MACROH2A1: variants seen among roughly 807,000 people sequenced by gnomAD.
The protein encoded by MACROH2A1 is macroH2A.1 histone, also known as core histone macro-H2A.1.
In MACROH2A1, 2 loss-of-function variants were observed where a neutral mutation model predicts 31.6. The ratio of observed to expected loss-of-function variants is 0.06; its 90% CI spans 0.03 to 0.20. The LOEUF is 0.20. Ranked by LOEUF, MACROH2A1 falls within the 10% of genes least tolerant of loss-of-function variation. The pLI is 1.00. For synonymous variants in MACROH2A1, 169 were observed against 189.6 expected (o/e 0.89, Z 0.89); for missense variants, 230 against 474.0 (o/e 0.49, Z 4.78).
chr5:135,381,713 A>C (rs1210395357), intron 2 of MACROH2A1, among the ~76,000 whole-genome samples: 1 of 152,262 alleles, frequency 6.6e-6, no homozygotes, highest in African/African-American at 2.4e-5. Flanking sequence ...TCTGTTTAAT[A>C]CAGCAGATTA....
chr5:135,341,445 C>T (rs1358969385), intron 8 of MACROH2A1, among the ~76,000 whole-genome samples: 7 of 152,104 alleles, frequency 4.6e-5, no homozygotes, highest in South Asian at 2.1e-4. Context: ...GTGGGGGTGG[C>T]GGCGGGTGGC....
At chr5:135,353,155 A>G (rs891235263) in intron 5 of MACROH2A1, 110 bp from the exon 6 acceptor site, 1 of 718,002 alleles carries the variant, frequency 1.4e-6, no homozygotes, top group East Asian at 2.6e-5. Flanking sequence ...CACGAGGCAC[A>G]AAAGGGAAGC....
chr5:135,387,929 A>G (rs1253040848), intron 2 of MACROH2A1, among the ~76,000 whole-genome samples: 2 of 152,134 alleles, frequency 1.3e-5, no homozygotes, highest in African/African-American at 2.4e-5. Context: ...GAGACATGGC[A>G]AAAGGATATC....
rs1044385870 is a variant in MACROH2A1 at position 135,398,590 on chromosome 5, T to C, written c.-34+472A>G. ...CCCCCCGGGGCTCGGGCCCGACTTA[T>C]TGTGCCGGGGCCGGCAACTCGCGGG... On this transcript the variant is annotated intron_variant, in intron 1 of 8. Coordinates refer to ENST00000511689, the MANE Select transcript of MACROH2A1 (RefSeq NM_138610.3). The surrounding 1 kb of genome is among the most constrained non-coding windows in gnomAD (Gnocchi z 4.6). Among the ~76,000 whole-genome samples, 90 of 152,278 alleles carry C rather than the reference T, an allele frequency of 5.9e-4. No homozygotes were observed. The highest frequency in any genetic ancestry group is 2.0e-3 in the African/African-American group (85 of 41,584).
At chr5:135,366,558 T>G (rs1252411067) in intron 4 of MACROH2A1, among the ~76,000 whole-genome samples, 3 of 150,046 alleles carry the variant, frequency 2.0e-5, no homozygotes, top group Non-Finnish European at 4.4e-5. Context: ...ACTGCTAAAA[T>G]AGGGGGCTCA....
chr5:135,349,942 A>G (rs1324048602), intron 6 of MACROH2A1, among the ~76,000 whole-genome samples: 1 of 152,148 alleles, frequency 6.6e-6, no homozygotes, highest in Non-Finnish European at 1.5e-5. Flanking sequence ...AGGCCCTATG[A>G]TCAGTAAATG....
chr5:135,338,239 G>A (rs1266778133), intron 8 of MACROH2A1, among the ~76,000 whole-genome samples: 1 of 152,322 alleles, frequency 6.6e-6, no homozygotes, highest in East Asian at 1.9e-4. Context: ...CTCCCTCCAG[G>A]GTAGAGAAGC....
intron 8 of MACROH2A1, 96 bp downstream of exon 8, chr5:135,343,164 G>A (rs769419708): frequency 1.1e-5 from 18 of 1,597,018 alleles, no homozygotes; most frequent in Admixed American, 8.3e-5. Context: ...GGCAGCCTCC[G>A]TGGGCCTTGC....
chr5:135,384,557 G>A (rs540430194), intron 2 of MACROH2A1, among the ~76,000 whole-genome samples: 5 of 152,200 alleles, frequency 3.3e-5, no homozygotes, highest in Admixed American at 1.3e-4. Flanking sequence ...AGTACCAACA[G>A]GCAGCTTCAA....
intron 1 of MACROH2A1, among the ~76,000 whole-genome samples, chr5:135,397,185 G>A (rs1175886855): frequency 1.3e-5 from 2 of 151,962 alleles, no homozygotes; most frequent in Non-Finnish European, 2.9e-5. Flanking sequence ...GGTGACTTGG[G>A]GCCGCATTAG....
intron 1 of MACROH2A1, among the ~76,000 whole-genome samples, chr5:135,394,106 A>G (rs917301364): frequency 6.6e-6 from 1 of 152,180 alleles, no homozygotes; most frequent in African/African-American, 2.4e-5. Context: ...GAGGGGCAGT[A>G]GGGGCAAAGA....
chr5:135,369,665 G>T lies in MACROH2A1; in HGVS notation c.280-62C>A. Reference sequence around the variant, plus strand: ...ATACCCTGCTTCTAACCTTCAAGAAGCCAGCCCTGCCCAGGACAGTCTTGC... The same window carrying T: ...ATACCCTGCTTCTAACCTTCAAGAATCCAGCCCTGCCCAGGACAGTCTTGC... On this transcript the variant is annotated intron_variant, in intron 3 of 8. Transcript: ENST00000511689. This position sits in a 1 kb window ranked among gnomAD's most constrained non-coding sequence, Gnocchi z 4.3. The T allele has an allele frequency of 7.5e-7, 1 of 1,327,882 alleles. No homozygotes were observed. Among genetic ancestry groups the T allele is most frequent in the Non-Finnish European group, 1.1e-6 (1 of 923,556 alleles). 82.3% of individuals were successfully genotyped at this position (1,327,882 alleles called of 1,614,324 possible).
At chr5:135,348,947 C>T (rs976249489) in intron 6 of MACROH2A1, among the ~76,000 whole-genome samples, 13 of 152,214 alleles carry the variant, frequency 8.5e-5, no homozygotes, top group Admixed American at 7.9e-4. Context: ...AAAGCATTAG[C>T]ACCATCCTTA....
chr5:135,390,512 T>C (rs1767073407), intron 1 of MACROH2A1, among the ~76,000 whole-genome samples: 1 of 152,160 alleles, frequency 6.6e-6, no homozygotes, highest in South Asian at 2.1e-4. Flanking sequence ...AATGCATGCT[T>C]CAAAGGGCCA....
At chr5:135,396,486 C>T (rs917611154) in intron 1 of MACROH2A1, among the ~76,000 whole-genome samples, 7 of 152,164 alleles carry the variant, frequency 4.6e-5, no homozygotes, top group Non-Finnish European at 1.0e-4. Context: ...ACTCAGCCAT[C>T]CCGAGCCTCT....
At chr5:135,388,660 G>A (rs1766764244) in intron 2 of MACROH2A1, among the ~76,000 whole-genome samples, 1 of 152,142 alleles carries the variant, frequency 6.6e-6, no homozygotes, top group Non-Finnish European at 1.5e-5. Context: ...TTTCAAAATG[G>A]ACTATGTAAC....
chr5:135,379,765 T>C (rs993133415), intron 2 of MACROH2A1, among the ~76,000 whole-genome samples: 3 of 152,198 alleles, frequency 2.0e-5, no homozygotes, highest in Admixed American at 6.5e-5. Flanking sequence ...ATAGCTCTTT[T>C]AGAAGCCCGT....
intron 2 of MACROH2A1, among the ~76,000 whole-genome samples, chr5:135,371,953 A>T (rs1764224074): frequency 6.6e-6 from 1 of 152,140 alleles, no homozygotes; most frequent in South Asian, 2.1e-4. Flanking sequence ...AGAGGTACTA[A>T]CAGCTCCACC....
intron 1 of MACROH2A1, among the ~76,000 whole-genome samples, chr5:135,391,385 G>A (rs553606849): frequency 9.9e-5 from 15 of 152,136 alleles, no homozygotes; most frequent in African/African-American, 3.1e-4. Context: ...CAGCTGACCT[G>A]CTGGGCATGT....
Sources: allele counts gnomAD v4.1 joint callset (sites outside exome capture counted in the v4.1 genomes callset), GRCh38; gene constraint gnomAD v4.1.1; non-coding constraint Gnocchi (gnomAD v3.1); transcripts MANE v1.5; gene names NCBI Gene and HGNC (gene_info 2026-07-23, HGNC 2026-07-21).